Variants in ITFG1 observed in about 807,000 individuals in gnomAD.
ITFG1 encodes the protein integrin alpha FG-GAP repeat containing 1, also known as T-cell immunomodulatory protein.
Under a neutral mutation model 81.8 loss-of-function variants are expected in ITFG1, and 34 were observed. The observed-to-expected ratio is 0.42, with a 90% CI of 0.32 to 0.55. The LOEUF is 0.55. Ranked by LOEUF, ITFG1 falls within the 20% of genes least tolerant of loss-of-function variation. ITFG1 has a pLI of 0.17. For missense variants in ITFG1, 672 were observed against 755.4 expected (o/e 0.89, Z 1.29); for synonymous variants, 285 against 270.6 (o/e 1.05, Z -0.52).
intron 12 of ITFG1, among the ~76,000 whole-genome samples, chr16:47,254,628 AAGT>A (rs1430069246): frequency 6.6e-6 from 1 of 152,192 alleles, no homozygotes; most frequent in African/African-American, 2.4e-5. Flanking sequence ...TTTAGTATAA[AAGT>A]AGTTTCAAGG....
At chr16:47,424,938 C>T (rs751550022) in intron 6 of ITFG1, among the ~76,000 whole-genome samples, 2 of 152,154 alleles carry the variant, frequency 1.3e-5, no homozygotes, top group Admixed American at 1.3e-4. Flanking sequence ...GGAGTTGGAA[C>T]GCCACGCTGA....
intron 5 of ITFG1, among the ~76,000 whole-genome samples, chr16:47,436,078 C>G (rs569993542): frequency 2.0e-5 from 3 of 151,954 alleles, no homozygotes; most frequent in Non-Finnish European, 4.4e-5. Flanking sequence ...TCCCTTTTAT[C>G]CTTGAACTTG....
chr16:47,233,702 T>G (rs562686275), intron 13 of ITFG1, among the ~76,000 whole-genome samples: 22 of 152,282 alleles, frequency 1.4e-4, no homozygotes, highest in African/African-American at 4.8e-4. Context: ...CTCATCCTCC[T>G]ATCTCACCTA....
chr16:47,225,976 TAA>T (rs1965752357), intron 13 of ITFG1, among the ~76,000 whole-genome samples: 2 of 152,216 alleles, frequency 1.3e-5, no homozygotes, highest in Non-Finnish European at 2.9e-5. Flanking sequence ...TTACCTGATA[TAA>T]AAGACTATTG....
intron 6 of ITFG1, among the ~76,000 whole-genome samples, chr16:47,396,543 T>TGTGTGTGTGTGTGTGTGTGTGA (rs1567485581): frequency 3.3e-5 from 5 of 151,814 alleles, no homozygotes; most frequent in African/African-American, 1.2e-4. Flanking sequence ...TGTGTGTGTG[T>TGTGTGTGTGTGTGTGTGTGTGA]GAAAGAGAGA....
chr16:47,197,976 G>A (rs1371164172), intron 14 of ITFG1, among the ~76,000 whole-genome samples: 1 of 152,174 alleles, frequency 6.6e-6, no homozygotes, highest in Non-Finnish European at 1.5e-5. Context: ...GATATGATAA[G>A]CTCTGTAGTA....
At chr16:47,409,374 CTATATATATATATA>C (rs1187875461) in intron 6 of ITFG1, among the ~76,000 whole-genome samples, 13 of 20,988 alleles carry the variant, frequency 6.2e-4, no homozygotes, top group East Asian at 0.012. Context: ...TACACACACA[CTATATATATATATA>C]TATATATATA....
intron 6 of ITFG1, among the ~76,000 whole-genome samples, chr16:47,409,517 G>A (rs1235857185): frequency 7.2e-6 from 1 of 138,730 alleles, no homozygotes; most frequent in Non-Finnish European, 1.5e-5. Context: ...CTGGGTTCAA[G>A]CAATTCACCC....
chr16:47,363,493 G>T (rs543471222), intron 8 of ITFG1, among the ~76,000 whole-genome samples: 1 of 151,942 alleles, frequency 6.6e-6, no homozygotes, highest in Non-Finnish European at 1.5e-5. Context: ...CCTCAGCCCC[G>T]AGAAGCTGAG....
chr16:47,256,731 T>G (rs1966143563), intron 12 of ITFG1, among the ~76,000 whole-genome samples: 1 of 152,254 alleles, frequency 6.6e-6, no homozygotes, highest in South Asian at 2.1e-4. Context: ...CTGAATTTGC[T>G]GTTTAGAAAG....
intron 12 of ITFG1, among the ~76,000 whole-genome samples, chr16:47,247,571 G>A (rs548298418): frequency 2.5e-4 from 38 of 152,196 alleles, no homozygotes; most frequent in South Asian, 8.3e-4. Flanking sequence ...GCAGGGCCAC[G>A]TCTTGCTGTG....
intron 13 of ITFG1, among the ~76,000 whole-genome samples, chr16:47,220,421 C>T (rs1435697582): frequency 1.3e-5 from 2 of 152,048 alleles, no homozygotes; most frequent in African/African-American, 4.8e-5. Flanking sequence ...ATTTAGCTAA[C>T]TAACGTTTTC....
chr16:47,347,427 G>A (rs1016049333), intron 8 of ITFG1, among the ~76,000 whole-genome samples: 5 of 152,222 alleles, frequency 3.3e-5, no homozygotes, highest in African/African-American at 9.6e-5. Context: ...GGTCTCACGC[G>A]CATGGGGCCT....
intron 14 of ITFG1, among the ~76,000 whole-genome samples, chr16:47,181,996 G>C (rs1003141395): frequency 1.3e-5 from 2 of 152,052 alleles, no homozygotes; most frequent in African/African-American, 4.8e-5. Flanking sequence ...GGCTCCTTAA[G>C]AGTCATCACC....
At chr16:47,431,489 C>T (rs565607195) in intron 5 of ITFG1, among the ~76,000 whole-genome samples, 1 of 152,266 alleles carries the variant, frequency 6.6e-6, no homozygotes, top group South Asian at 2.1e-4. Context: ...CTGACCCTGT[C>T]CATGGAAAAA....
At position 47,461,010 on chromosome 16, in the gene ITFG1, G is replaced by C. The variant is rs745933921; in HGVS notation, c.36C>G (p.Ala12=). ...AAAGRLPSSW[A]LFSPLLAGLA... is the part of the protein sequence containing the mutation. ...GCCCTGCGAGGAGCGGCGAGAAGAGGGCCCAGGAGCTCGGGAGCCGGCCCG... is the reference window on the plus strand; with the variant it reads ...GCCCTGCGAGGAGCGGCGAGAAGAGCGCCCAGGAGCTCGGGAGCCGGCCCG... The change falls in exon 1 of 18, where the codon GCC becomes GCG. Residue 12 remains alanine (A), a synonymous_variant. Coordinates refer to ENST00000320640, the MANE Select transcript of ITFG1 (RefSeq NM_030790.5). 3.2e-6 allele frequency: 5 copies of C among 1,556,488 alleles called. No homozygotes were observed. In the African/African-American group the frequency reaches 6.8e-5, roughly 21 times the overall value.
chr16:47,343,375 C>T (rs990035664), intron 8 of ITFG1, among the ~76,000 whole-genome samples: 1 of 152,010 alleles, frequency 6.6e-6, no homozygotes, highest in African/African-American at 2.4e-5. Context: ...AATCATAAAA[C>T]CCTTAGTGAA....
intron 14 of ITFG1, among the ~76,000 whole-genome samples, chr16:47,181,235 C>T (rs1965108808): frequency 6.6e-6 from 1 of 150,898 alleles, no homozygotes; most frequent in South Asian, 2.1e-4. Context: ...GCCGCCCCGT[C>T]TGAGAAGTGA....
chr16:47,405,219 GTAT>G (rs1202640333), intron 6 of ITFG1, among the ~76,000 whole-genome samples: 1 of 152,010 alleles, frequency 6.6e-6, no homozygotes, highest in Non-Finnish European at 1.5e-5. Flanking sequence ...GATCAATCTG[GTAT>G]ACACAGACCA....
Sources: allele counts gnomAD v4.1 joint callset (sites outside exome capture counted in the v4.1 genomes callset), GRCh38; gene constraint gnomAD v4.1.1; transcripts MANE v1.5; gene names NCBI Gene and HGNC (gene_info 2026-07-23, HGNC 2026-07-21).